The following PDE4D variants were observed in gnomAD, a reference collection of about 807,000 sequenced individuals.
PDE4D encodes 3',5'-cyclic-AMP phosphodiesterase 4D.
PDE4D carries 24 observed loss-of-function variants against 87.4 expected under a neutral mutation model. That is an observed-to-expected ratio of 0.27 (90% CI 0.20 to 0.39). PDE4D has a LOEUF of 0.39. Among genes scored for constraint, PDE4D ranks in the 10% least tolerant of loss-of-function variants. The pLI is 1.00. For missense variants in PDE4D, 714 were observed against 1,041.0 expected, an observed-to-expected ratio of 0.69 and a Z score of 4.32; for synonymous variants, 384 against 383.2, an observed-to-expected ratio of 1.00 and a Z score of -0.02.
intron 1 of PDE4D, among the ~76,000 whole-genome samples, chr5:59,500,122 CTG>C (rs1189337648): frequency 6.6e-6 from 1 of 152,200 alleles, no homozygotes; most frequent in Non-Finnish European, 1.5e-5. Flanking sequence ...GTTGGTGAGA[CTG>C]TGGAGAAAAG....
intron 2 of PDE4D, among the ~76,000 whole-genome samples, chr5:60,035,538 G>A (rs963117821): frequency 1.3e-5 from 2 of 152,122 alleles, no homozygotes; most frequent in Non-Finnish European, 2.9e-5. Flanking sequence ...ATCAAGTTAG[G>A]CGGAGTCTTA....
intron 1 of PDE4D, among the ~76,000 whole-genome samples, chr5:59,417,711 C>G (rs1192690474): frequency 1.3e-5 from 2 of 152,120 alleles, no homozygotes; most frequent in East Asian, 1.9e-4. Flanking sequence ...TTATGTAGTT[C>G]TATCCACAGC....
chr5:59,503,303 A>T (rs78798463), intron 1 of PDE4D, among the ~76,000 whole-genome samples: 2,589 of 152,278 alleles, frequency 0.017, 79 homozygotes, highest in East Asian at 0.12. Flanking sequence ...GCTTTCAAGT[A>T]AAAGGCAAAT....
intron 1 of PDE4D, among the ~76,000 whole-genome samples, chr5:60,313,571 C>T (rs781103031): frequency 8.5e-5 from 13 of 152,184 alleles, no homozygotes; most frequent in Non-Finnish European, 1.9e-4. Context: ...GGACTCCTCC[C>T]TAACTCATTT....
At chr5:59,099,786 AT>A (rs1295319496) in intron 5 of PDE4D, among the ~76,000 whole-genome samples, 2 of 152,196 alleles carry the variant, frequency 1.3e-5, no homozygotes, top group African/African-American at 4.8e-5. Flanking sequence ...CTTTTAAGCC[AT>A]TGCTCTTACC....
chr5:59,718,853 TAA>T (rs1256557708), intron 1 of PDE4D, among the ~76,000 whole-genome samples: 1 of 152,162 alleles, frequency 6.6e-6, no homozygotes, highest in African/African-American at 2.4e-5. Flanking sequence ...TGAAAAGTTG[TAA>T]AAGATTGTAA....
chr5:59,584,622 AG>A (rs1354389449), intron 1 of PDE4D, among the ~76,000 whole-genome samples: 4 of 152,240 alleles, frequency 2.6e-5, no homozygotes, highest in Admixed American at 6.5e-5. Context: ...TCCAGTCAAA[AG>A]TATAGGTGAG....
intron 1 of PDE4D, among the ~76,000 whole-genome samples, chr5:59,310,526 C>T (rs1340380395): frequency 6.6e-6 from 1 of 152,140 alleles, no homozygotes; most frequent in African/African-American, 2.4e-5. Context: ...TACTTCCTTT[C>T]TAGAGCTATC....
intron 1 of PDE4D, among the ~76,000 whole-genome samples, chr5:60,520,707 G>T (rs1264603680): frequency 6.6e-6 from 1 of 152,240 alleles, no homozygotes; most frequent in Non-Finnish European, 1.5e-5. Context: ...CCTAGGTTGG[G>T]CACTATTCAC....
At chr5:59,111,223 G>A (rs531909805) in intron 5 of PDE4D, among the ~76,000 whole-genome samples, 10 of 152,210 alleles carry the variant, frequency 6.6e-5, no homozygotes, top group Non-Finnish European at 1.3e-4. Context: ...GAAGTGGCTC[G>A]TTCTCTACCC....
intron 1 of PDE4D, among the ~76,000 whole-genome samples, chr5:59,704,544 G>A (rs1030668358): frequency 1.2e-4 from 18 of 152,168 alleles, no homozygotes; most frequent in African/African-American, 4.1e-4. Context: ...CCAGCATTGT[G>A]CTGGAAACTG....
intron 1 of PDE4D, among the ~76,000 whole-genome samples, chr5:60,204,937 C>T (rs938859578): frequency 1.3e-5 from 2 of 152,158 alleles, no homozygotes; most frequent in Non-Finnish European, 2.9e-5. Context: ...GTGTGAAGGA[C>T]CTGGGACATT....
At chr5:59,143,660 G>A (rs1778225996) in intron 5 of PDE4D, among the ~76,000 whole-genome samples, 1 of 152,222 alleles carries the variant, frequency 6.6e-6, no homozygotes, top group Admixed American at 6.5e-5. Flanking sequence ...ATCTCATACT[G>A]CTCACATCAC....
chr5:59,989,121 C>T (rs3930458), intron 2 of PDE4D, among the ~76,000 whole-genome samples: 26,203 of 69,770 alleles, frequency 0.38, 3,088 homozygotes, highest in Non-Finnish European at 0.48. Context: ...TATATACACA[C>T]ACACACATAC....
chr5:59,831,642 C>A (rs1198646567), intron 1 of PDE4D, among the ~76,000 whole-genome samples: 1 of 152,042 alleles, frequency 6.6e-6, no homozygotes, highest in Non-Finnish European at 1.5e-5. Flanking sequence ...GTTTCAGAGA[C>A]AGTAGTTAAC....
intron 1 of PDE4D, among the ~76,000 whole-genome samples, chr5:59,530,610 A>G (rs1290932861): frequency 1.3e-5 from 1 of 78,258 alleles, no homozygotes; most frequent in Non-Finnish European, 4.1e-5. Context: ...CCATATTATT[A>G]AAAAAAAAAA....
At chr5:60,156,979 G>A (rs981754953) in intron 2 of PDE4D, among the ~76,000 whole-genome samples, 1 of 151,982 alleles carries the variant, frequency 6.6e-6, no homozygotes, top group Non-Finnish European at 1.5e-5. Context: ...AGACTTTTGT[G>A]CAGCAAAAGA....
intron 1 of PDE4D, among the ~76,000 whole-genome samples, chr5:60,519,035 A>T (rs1009779905): frequency 2.6e-5 from 4 of 152,204 alleles, no homozygotes; most frequent in Non-Finnish European, 5.9e-5. Context: ...AATATTGATC[A>T]TTACATGGTG....
chr5:59,870,448 A>G (rs1747658235), intron 1 of PDE4D, among the ~76,000 whole-genome samples: 1 of 152,254 alleles, frequency 6.6e-6, no homozygotes. Flanking sequence ...CTGAAAAAAT[A>G]AGTTCAATGG....
Sources: gnomAD v4.1 joint callset for allele counts (sites outside exome capture counted in the v4.1 genomes callset) on GRCh38, gnomAD v4.1.1 for gene constraint, MANE v1.5 for transcripts, NCBI Gene and HGNC (gene_info 2026-07-23, HGNC 2026-07-21) for gene names.